Variants in SEL1L2 observed in about 807,000 individuals in gnomAD.
SEL1L2 encodes the protein protein sel-1 homolog 2.
SEL1L2 carries 89 observed loss-of-function variants against 98.8 expected under a neutral mutation model. The ratio of observed to expected loss-of-function variants is 0.90; its 90% CI spans 0.76 to 1.07. SEL1L2 has a LOEUF of 1.07. Among genes scored for constraint, SEL1L2 ranks in the 50% least tolerant of loss-of-function variants. The probability of loss-of-function intolerance (pLI) is 0.00; values close to 1 mark genes in which losing one functional copy is unlikely to be tolerated. For synonymous variants in SEL1L2, 262 were observed against 278.5 expected, an observed-to-expected ratio of 0.94 and a Z score of 0.59; for missense variants, 788 against 812.0, an observed-to-expected ratio of 0.97 and a Z score of 0.36.
At position 13,913,921 on chromosome 20, in the gene SEL1L2, G is replaced by T; in HGVS notation, c.410C>A (p.Ala137Glu). 6.4e-7 allele frequency: 1 copy of T among 1,560,632 alleles called. No homozygotes were observed. The highest frequency in any genetic ancestry group is 1.2e-5 in the South Asian group (1 of 80,012). ...KEEAYLLFAK[A>E]ADMGNLKAME... Reference sequence around the variant, plus strand: ...AGCTTTCAAGTTTCCCATGTCAGCTGCTTTGGCAAAAAGTAGGTAGGCTCT... The same window carrying T: ...AGCTTTCAAGTTTCCCATGTCAGCTTCTTTGGCAAAAAGTAGGTAGGCTCT... Residue 137 changes from alanine to glutamate, a missense_variant, in exon 5 of 20, where the codon GCA becomes GAA. By Grantham distance (107) the Ala-to-Glu change is moderately radical (BLOSUM62 -1). Coordinates refer to ENST00000284951, the MANE Select transcript of SEL1L2 (RefSeq NM_025229.2).
intron 1 of SEL1L2, among the ~76,000 whole-genome samples, chr20:13,985,657 C>T (rs1009434671): frequency 6.6e-6 from 1 of 152,192 alleles, no homozygotes; most frequent in African/African-American, 2.4e-5. Context: ...CCCAATACTC[C>T]TGGTGTATAA....
chr20:13,961,519 T>TA (rs1246965527), intron 1 of SEL1L2, among the ~76,000 whole-genome samples: 22 of 152,272 alleles, frequency 1.4e-4, no homozygotes, highest in African/African-American at 5.3e-4. Flanking sequence ...ATAGAAGACT[T>TA]ATAAGGTTTT....
chr20:13,909,944 C>T (rs1217220820), intron 5 of SEL1L2, among the ~76,000 whole-genome samples: 1 of 152,242 alleles, frequency 6.6e-6, no homozygotes, highest in East Asian at 1.9e-4. Flanking sequence ...GCACTCCAGC[C>T]TGGGCAACAG....
intron 3 of SEL1L2, among the ~76,000 whole-genome samples, chr20:13,927,612 A>G (rs1309844156): frequency 6.6e-6 from 1 of 152,250 alleles, no homozygotes; most frequent in African/African-American, 2.4e-5. Flanking sequence ...AGAATTAGAA[A>G]TAATTTTTCA....
intron 18 of SEL1L2, among the ~76,000 whole-genome samples, chr20:13,853,070 A>G (rs1218933679): frequency 1.3e-5 from 2 of 152,220 alleles, no homozygotes; most frequent in Admixed American, 1.3e-4. Flanking sequence ...CTAGCATTTC[A>G]TGTATATTCA....
At chr20:13,886,518 C>T in intron 8 of SEL1L2, 76 bp from the exon 9 acceptor site, 1 of 1,172,014 alleles carries the variant, frequency 8.5e-7, no homozygotes, top group Non-Finnish European at 1.2e-6. Context: ...AGAGAAAACA[C>T]CGTTAGCTTA....
intron 17 of SEL1L2, among the ~76,000 whole-genome samples, chr20:13,859,660 A>T (rs1421850207): frequency 6.6e-6 from 1 of 152,200 alleles, no homozygotes; most frequent in African/African-American, 2.4e-5. Context: ...ATAGCGTAAC[A>T]TCCATGGTAT....
chr20:13,917,797 T>C (rs1217617336), intron 4 of SEL1L2, among the ~76,000 whole-genome samples: 2 of 118,292 alleles, frequency 1.7e-5, no homozygotes, highest in African/African-American at 3.4e-5. Context: ...TTTTTTTTTT[T>C]TTTTTTTTTT....
chr20:13,894,409 A>C (rs1191561506), intron 5 of SEL1L2, among the ~76,000 whole-genome samples: 1 of 152,126 alleles, frequency 6.6e-6, no homozygotes, highest in African/African-American at 2.4e-5. Context: ...AAAATACAAA[A>C]ATTAGCCAAG....
chr20:13,912,856 A>C (rs1298627417), intron 5 of SEL1L2, among the ~76,000 whole-genome samples: 1 of 152,252 alleles, frequency 6.6e-6, no homozygotes, highest in Non-Finnish European at 1.5e-5. Context: ...GCAGTTTGCC[A>C]ATCAGAGGTC....
At chr20:13,870,789 G>T (rs2147860153) in intron 12 of SEL1L2, among the ~76,000 whole-genome samples, 1 of 152,168 alleles carries the variant, frequency 6.6e-6, no homozygotes, top group Non-Finnish European at 1.5e-5. Flanking sequence ...TGGGTGTGGT[G>T]GCACACACCT....
At chr20:13,983,796 T>C (rs1054983417) in intron 1 of SEL1L2, among the ~76,000 whole-genome samples, 2 of 151,234 alleles carry the variant, frequency 1.3e-5, no homozygotes, top group African/African-American at 4.9e-5. Context: ...GCTGGGATTG[T>C]AGGTATGAAC....
Position 13,964,791 on chromosome 20 carries a change from C to T in SEL1L2, c.59-8660G>A, listed in dbSNP as rs114504386. On this transcript the variant is annotated intron_variant, in intron 1 of 19. Coordinates refer to ENST00000284951, the MANE Select transcript of SEL1L2 (RefSeq NM_025229.2). ...ACATTCTTGAAATCTAGCTTTTAAC[C>T]TTTTCACATAGATAACTTCTTTCTC... 3.9e-3 allele frequency among the ~76,000 whole-genome samples: 586 copies of T among 151,982 alleles called. 3 individuals carry two copies. The highest frequency in any genetic ancestry group is 0.014 in the African/African-American group (570 of 41,476).
intron 18 of SEL1L2, among the ~76,000 whole-genome samples, chr20:13,857,307 C>T (rs886339998): frequency 6.6e-6 from 1 of 151,716 alleles, no homozygotes; most frequent in Non-Finnish European, 1.5e-5. Context: ...AACAAGAACC[C>T]TGGTAGAAAA....
chr20:13,863,402 G>T (rs1990481977), intron 17 of SEL1L2, among the ~76,000 whole-genome samples: 1 of 152,210 alleles, frequency 6.6e-6, no homozygotes, highest in African/African-American at 2.4e-5. Context: ...ACAGGCTCCT[G>T]TGGGGATCAA....
At chr20:13,893,395 A>G (rs2047288781) in intron 5 of SEL1L2, among the ~76,000 whole-genome samples, 1 of 152,216 alleles carries the variant, frequency 6.6e-6, no homozygotes, top group Non-Finnish European at 1.5e-5. Context: ...ACTGACTTTA[A>G]GCCAAAAATT....
At chr20:13,939,131 C>T (rs1333574223) in intron 2 of SEL1L2, among the ~76,000 whole-genome samples, 1 of 148,354 alleles carries the variant, frequency 6.7e-6, no homozygotes, top group Non-Finnish European at 1.5e-5. Flanking sequence ...GCAACCTCCA[C>T]CTCCTGGGTT....
chr20:13,893,138 T>C (rs2047274307), intron 5 of SEL1L2, among the ~76,000 whole-genome samples: 1 of 152,156 alleles, frequency 6.6e-6, no homozygotes, highest in African/African-American at 2.4e-5. Context: ...TAATCAAGAC[T>C]CTGTTCCCCA....
At chr20:13,917,267 C>T (rs961778295) in intron 4 of SEL1L2, among the ~76,000 whole-genome samples, 2 of 152,132 alleles carry the variant, frequency 1.3e-5, no homozygotes, top group African/African-American at 2.4e-5. Context: ...TCCTATTAGG[C>T]TGGATTGTAT....
Sources: gnomAD v4.1 joint callset for allele counts (sites outside exome capture counted in the v4.1 genomes callset) on GRCh38, gnomAD v4.1.1 for gene constraint, MANE v1.5 for transcripts, NCBI Gene and HGNC (gene_info 2026-07-23, HGNC 2026-07-21) for gene names.